LGALS2: variants seen among roughly 807,000 people sequenced by gnomAD.
LGALS2 encodes the protein galectin 2, also known as galectin-2.
In LGALS2, 7 loss-of-function variants were observed where a neutral mutation model predicts 10.1. That is an observed-to-expected ratio of 0.70 (90% CI 0.40 to 1.31). LGALS2 has a LOEUF of 1.31. Among genes scored for constraint, LGALS2 ranks in the 50% most tolerant of loss-of-function variants. The probability of loss-of-function intolerance (pLI) is 0.01; values close to 1 mark genes in which losing one functional copy is unlikely to be tolerated. For missense variants in LGALS2, 167 were observed against 163.6 expected (o/e 1.02, Z -0.11); for synonymous variants, 86 against 64.2 (o/e 1.34, Z -1.63).
At position 37,579,229 on chromosome 22, in the gene LGALS2, C is replaced by T. The variant is rs560441981; in HGVS notation, c.6+671G>A. On this transcript the variant is annotated intron_variant, in intron 1 of 3. Transcript: ENST00000215886. ...GGCCACTGCACTCCAGCCTGGGCAA[C>T]AGAGCGAGACTCCATCTCAAAAAAA... 2.1e-4 allele frequency among the ~76,000 whole-genome samples: 21 copies of T among 100,622 alleles called. No homozygotes were observed. In the South Asian group the frequency reaches 7.3e-3, roughly 35 times the overall value. The allele number at this position is 100,622 out of a possible 152,430, so 66.0% of individuals were successfully genotyped here.
chr22:37,577,334 G>C (rs1355756083), intron 1 of LGALS2, among the ~76,000 whole-genome samples: 2 of 150,038 alleles, frequency 1.3e-5, no homozygotes, highest in Non-Finnish European at 3.0e-5. Flanking sequence ...ATGTCCACCT[G>C]GAACCTGTCA....
At chr22:37,570,843 T>A in intron 2 of LGALS2, 108 bp from the exon 3 acceptor site, 4 of 1,260,018 alleles carry the variant, frequency 3.2e-6, no homozygotes, top group Non-Finnish European at 4.6e-6. Context: ...AAGCTTGTGT[T>A]AGTTGAGATC....
intron 3 of LGALS2, 27 bp downstream of exon 3, chr22:37,570,549 C>T: frequency 6.2e-7 from 1 of 1,613,978 alleles, no homozygotes; most frequent in South Asian, 1.1e-5. Flanking sequence ...GACATCACCC[C>T]AGTGCCCTTT....
intron 1 of LGALS2, among the ~76,000 whole-genome samples, chr22:37,572,395 G>T (rs535353904): frequency 3.9e-5 from 6 of 152,216 alleles, no homozygotes; most frequent in Non-Finnish European, 7.3e-5. Flanking sequence ...ATTTTGGGAG[G>T]CCGAGGCGGG....
intron 1 of LGALS2, chr22:37,578,639 G>C (rs1476532731): frequency 6.6e-6 from 1 of 151,870 alleles, no homozygotes; most frequent in Non-Finnish European, 1.5e-5. Context: ...AACATAGTGA[G>C]ACCTCATCTC....
In LGALS2 at chr22:37,570,646, A is replaced by G; in HGVS notation, c.179T>C (p.Leu60Ser). ...FSESTIVCNS[L>S]DGSNWGQEQR... is the part of the protein sequence containing the mutation. ...TTCTTGCCCCCAGTTGCTGCCGTCC[A>G]ATGAGTTGCAGACAATGGTGGATTC... Residue 60 changes from leucine (L) to serine (S), a missense_variant, in exon 3 of 4, where the codon TTG (leucine) becomes TCG (serine). Transcript: ENST00000215886. The G allele has an allele frequency of 6.2e-7, 1 of 1,614,248 alleles. No individual in the cohort carries two copies. The highest frequency in any genetic ancestry group is 8.5e-7 in the Non-Finnish European group (1 of 1,180,052).
rs1925510193 is a variant in LGALS2 at position 37,571,914 on chromosome 22, C to T, written c.24G>A (p.Lys8=). The part of the protein sequence containing the change: MTGELEV[K]NMDMKPGSTL... ...TTGACCCCGGCTTCATGTCCATGTT[C>T]TTAACCTCAAGTTCCCCCTGGGCCA... The change falls in exon 2 of 4, where the codon AAG becomes AAA. Residue 8 remains lysine, a synonymous_variant. Coordinates refer to ENST00000215886, the MANE Select transcript of LGALS2 (RefSeq NM_006498.3). The T allele has an allele frequency of 1.9e-6, 3 of 1,614,038 alleles. No homozygotes were observed. Among genetic ancestry groups the T allele is most frequent in the Non-Finnish European group, 2.5e-6 (3 of 1,179,974 alleles).
chr22:37,579,481 GGAGTGCAATGGCAC>G (rs1213031394), intron 1 of LGALS2, among the ~76,000 whole-genome samples: 2 of 151,992 alleles, frequency 1.3e-5, no homozygotes, highest in East Asian at 3.9e-4. Context: ...TGCCCAGGCT[GGAGTGCAATGGCAC>G]AATCTCGGCT....
At chr22:37,571,649 C>T (rs1366136144) in intron 2 of LGALS2, among the ~76,000 whole-genome samples, 200 bp downstream of exon 2, 1 of 152,232 alleles carries the variant, frequency 6.6e-6, no homozygotes, top group African/African-American at 2.4e-5. Context: ...ATGGCATCAA[C>T]TCTGAAATTC....
At chr22:37,576,636 T>C (rs1415603305) in intron 1 of LGALS2, among the ~76,000 whole-genome samples, 1 of 151,890 alleles carries the variant, frequency 6.6e-6, no homozygotes, top group African/African-American at 2.4e-5. Context: ...ACACCAAGCA[T>C]CAGGAGATGG....
chr22:37,576,451 C>CA lies in LGALS2; in HGVS notation c.6+3448dup, dbSNP rs55951617. Among the ~76,000 whole-genome samples the CA allele has an allele frequency of 9.1e-4, 98 of 108,282 alleles. 1 individual carries two copies. Among genetic ancestry groups the CA allele is most frequent in the Middle Eastern group, 4.6e-3 (1 of 216 alleles). 71.0% of individuals were successfully genotyped at this position (108,282 alleles called of 152,430 possible). ...TGGGCGACAGAGCGAGACTCCGTCTCAAAAAAAAAAAAAAAAAAAAAAAAA... is the reference window on the plus strand; with the variant it reads ...TGGGCGACAGAGCGAGACTCCGTCTCAAAAAAAAAAAAAAAAAAAAAAAAAA... On this transcript the variant is annotated intron_variant, in intron 1 of 3. Transcript: ENST00000215886.
chr22:37,570,809 G>T, intron 2 of LGALS2, 74 bp from the exon 3 acceptor site: 1 of 1,528,354 alleles, frequency 6.5e-7, no homozygotes. Flanking sequence ...GAGGACCTTG[G>T]TTGACCACAA....
rs1195899135 is a variant in LGALS2 at position 37,579,886 on chromosome 22, GC to G, written c.6+13del. 6.8e-6 allele frequency: 11 copies of G among 1,608,938 alleles called. No homozygotes were observed. The highest frequency in any genetic ancestry group is 9.3e-6 in the Non-Finnish European group (11 of 1,178,402). ...AACAGAGTGGGGCAGGCAGCAGGGG[GC>G]TAGTGTCCTCACCGTCATGGTGACA... is the stretch of plus-strand genomic sequence containing the variant. On this transcript the variant is annotated intron_variant, in intron 1 of 3. Coordinates refer to ENST00000215886, the MANE Select transcript of LGALS2 (RefSeq NM_006498.3).
chr22:37,578,426 C>T (rs1925749622), intron 1 of LGALS2, among the ~76,000 whole-genome samples: 1 of 152,170 alleles, frequency 6.6e-6, no homozygotes, highest in Non-Finnish European at 1.5e-5. Flanking sequence ...TGCCGCTACC[C>T]CCACTAATTT....
intron 1 of LGALS2, 71 bp downstream of exon 1, chr22:37,579,829 T>A: frequency 6.5e-7 from 1 of 1,536,826 alleles, no homozygotes; most frequent in Non-Finnish European, 8.9e-7. Flanking sequence ...TGGTTTTCCC[T>A]AAAAGCCCCC....
chr22:37,572,822 T>A (rs1021140723), intron 1 of LGALS2, among the ~76,000 whole-genome samples: 1 of 147,118 alleles, frequency 6.8e-6, no homozygotes, highest in African/African-American at 2.5e-5. Flanking sequence ...ATAAAATAAA[T>A]TATCTGCGCA....
chr22:37,571,964 C>T (rs777216688), intron 1 of LGALS2, 33 bp from the exon 2 acceptor site: 1 of 1,569,932 alleles, frequency 6.4e-7, no homozygotes, highest in South Asian at 1.1e-5. Flanking sequence ...CACTCGAGTC[C>T]CCACAGAAAA....
chr22:37,579,812 A>G (rs1230151453), intron 1 of LGALS2, 88 bp downstream of exon 1: 1 of 1,382,316 alleles, frequency 7.2e-7, no homozygotes, highest in Non-Finnish European at 1.0e-6. Flanking sequence ...CCAGAGAGGG[A>G]CAGCAATGGT....
chr22:37,572,796 T>TAATAATAATA (rs1167291713), intron 1 of LGALS2, among the ~76,000 whole-genome samples: 3 of 138,464 alleles, frequency 2.2e-5, no homozygotes, highest in Admixed American at 7.2e-5. Flanking sequence ...ATAATAATAA[T>TAATAATAATA]AATAAATAAA....
Sources: allele counts gnomAD v4.1 joint callset (sites outside exome capture counted in the v4.1 genomes callset), GRCh38; gene constraint gnomAD v4.1.1; transcripts MANE v1.5; gene names NCBI Gene and HGNC (gene_info 2026-07-23, HGNC 2026-07-21).